KDM4C: variants seen among roughly 807,000 people sequenced by gnomAD.
KDM4C encodes the protein lysine demethylase 4C.
KDM4C carries 81 observed loss-of-function variants against 129.3 expected under a neutral mutation model. That is an observed-to-expected ratio of 0.63 (90% CI 0.52 to 0.75). The LOEUF (loss-of-function observed/expected upper bound fraction) is 0.75, where lower values mean the gene tolerates loss of function less well. KDM4C is among the 30% of genes least tolerant of loss of function. The probability of loss-of-function intolerance (pLI) is 0.00; values close to 1 mark genes in which losing one functional copy is unlikely to be tolerated. For missense variants in KDM4C, 1,457 were observed against 1,304.0 expected, an observed-to-expected ratio of 1.12 and a Z score of -1.81; for synonymous variants, 573 against 456.1, an observed-to-expected ratio of 1.26 and a Z score of -3.26.
At chr9:6,943,347 A>G (rs1047908329) in intron 8 of KDM4C, among the ~76,000 whole-genome samples, 4 of 152,208 alleles carry the variant, frequency 2.6e-5, no homozygotes, top group East Asian at 1.9e-4. Context: ...TTTTGAAGTC[A>G]TTATCATTTG....
chr9:6,853,337 A>G (rs1839192846), intron 5 of KDM4C, among the ~76,000 whole-genome samples: 1 of 151,744 alleles, frequency 6.6e-6, no homozygotes, highest in Non-Finnish European at 1.5e-5. Flanking sequence ...AAAAAAAATA[A>G]GAAAATTAGC....
chr9:6,883,422 T>C (rs1563754917), intron 6 of KDM4C, among the ~76,000 whole-genome samples: 1 of 152,202 alleles, frequency 6.6e-6, no homozygotes, highest in Non-Finnish European at 1.5e-5. Flanking sequence ...CGTCAGGGTA[T>C]GTTTATTTTC....
chr9:7,127,586 C>A (rs893434340), intron 18 of KDM4C, among the ~76,000 whole-genome samples: 5 of 152,084 alleles, frequency 3.3e-5, no homozygotes, highest in African/African-American at 1.2e-4. Context: ...AGAGGTGTGG[C>A]AACTAAATGC....
intron 17 of KDM4C, among the ~76,000 whole-genome samples, chr9:7,084,882 C>T (rs557345601): frequency 6.6e-6 from 1 of 152,144 alleles, no homozygotes; most frequent in African/African-American, 2.4e-5. Context: ...CCTCATAGAT[C>T]TATGAAGAGA....
chr9:6,786,792 A>G (rs1292490568), intron 1 of KDM4C, among the ~76,000 whole-genome samples: 1 of 152,206 alleles, frequency 6.6e-6, no homozygotes, highest in Non-Finnish European at 1.5e-5. Context: ...TTTAAATGTA[A>G]TGAATGTAAG....
At chr9:6,844,361 C>T (rs146076074) in intron 4 of KDM4C, among the ~76,000 whole-genome samples, 8 of 152,304 alleles carry the variant, frequency 5.3e-5, no homozygotes, top group African/African-American at 1.9e-4. Context: ...CACCCCTTCA[C>T]ACACCCCGGG....
rs1815479 is a variant in KDM4C, at chr9:6,781,947, C to T, written c.-17-11025C>T. Among the ~76,000 whole-genome samples, 968 of 152,074 alleles carry T rather than the reference C, an allele frequency of 6.4e-3. 11 individuals carry two copies. Among genetic ancestry groups the T allele is most frequent in the African/African-American group, 0.022 (908 of 41,476 alleles). On this transcript the variant is annotated intron_variant, in intron 1 of 21. Coordinates refer to ENST00000381309, the MANE Select transcript of KDM4C (RefSeq NM_015061.6). ...TCAGGCTATTCTCCTGCCTCAGCCT[C>T]CTCAGTAGCTGGGATTACGGGTGCC...
chr9:7,068,863 G>C (rs892111316), intron 17 of KDM4C, among the ~76,000 whole-genome samples: 1 of 151,408 alleles, frequency 6.6e-6, no homozygotes, highest in African/African-American at 2.4e-5. Context: ...CGCCCAGCTA[G>C]TTTTTGTATT....
Position 7,165,314 on chromosome 9 carries a change from A to T in KDM4C, c.2858A>T (p.Tyr953Phe), listed in dbSNP as rs367739028. The change falls in exon 20 of 22, where the codon TAT becomes TTT. Residue 953 changes from tyrosine (Y) to phenylalanine (F), a missense_variant. Coordinates refer to ENST00000381309, the MANE Select transcript of KDM4C (RefSeq NM_015061.6). Reference sequence around the variant, plus strand: ...GTCAAGTGGCCCGATGGCAAACTCTATGGAGCAAAATATTTTGGATCAAAT... The same window carrying T: ...GTCAAGTGGCCCGATGGCAAACTCTTTGGAGCAAAATATTTTGGATCAAAT... ...VQVKWPDGKL[Y>F]GAKYFGSNIA... The T allele has an allele frequency of 6.2e-7, 1 of 1,614,182 alleles. No individual in the cohort carries two copies. Among genetic ancestry groups the T allele is most frequent in the Non-Finnish European group, 8.5e-7 (1 of 1,180,012 alleles).
intron 5 of KDM4C, among the ~76,000 whole-genome samples, chr9:6,860,587 C>G (rs1335138747): frequency 1.3e-5 from 2 of 152,078 alleles, no homozygotes; most frequent in Admixed American, 1.3e-4. Flanking sequence ...TATAACAAAC[C>G]TTCACATATG....
chr9:6,812,517 G>C (rs1831345301), intron 3 of KDM4C, among the ~76,000 whole-genome samples: 1 of 152,154 alleles, frequency 6.6e-6, no homozygotes, highest in Admixed American at 6.5e-5. Context: ...CAGATCATCA[G>C]ACATTAGGTT....
intron 19 of KDM4C, among the ~76,000 whole-genome samples, chr9:7,129,620 G>A (rs1407775958): frequency 2.0e-5 from 3 of 152,118 alleles, no homozygotes; most frequent in Admixed American, 2.0e-4. Flanking sequence ...AGAGAAAGAA[G>A]ATGTAATCCT....
chr9:7,030,897 T>C (rs933823187), intron 15 of KDM4C, among the ~76,000 whole-genome samples: 8 of 152,180 alleles, frequency 5.3e-5, no homozygotes, highest in Non-Finnish European at 1.0e-4. Flanking sequence ...GTTGGAATTC[T>C]CATTCCATAT....
intron 5 of KDM4C, 62 bp from the exon 6 acceptor site, chr9:6,879,950 T>C (rs1844183210): frequency 5.3e-6 from 4 of 748,536 alleles, no homozygotes; most frequent in Non-Finnish European, 8.9e-6. Context: ...GGAATAGATG[T>C]CCTTAGGCTA....
chr9:6,770,072 G>A (rs145827249), intron 1 of KDM4C, among the ~76,000 whole-genome samples: 337 of 152,222 alleles, frequency 2.2e-3, no homozygotes, highest in Admixed American at 3.7e-3. Flanking sequence ...CCAGGTACTT[G>A]GGAGGCTGAG....
intron 17 of KDM4C, among the ~76,000 whole-genome samples, chr9:7,080,627 T>C (rs975079058): frequency 5.9e-5 from 9 of 152,236 alleles, no homozygotes; most frequent in African/African-American, 2.2e-4. Flanking sequence ...CCTTTGTCTA[T>C]TGGGTTTTAT....
intron 17 of KDM4C, among the ~76,000 whole-genome samples, chr9:7,085,457 A>G (rs1189063329): frequency 6.6e-6 from 1 of 152,182 alleles, no homozygotes; most frequent in Admixed American, 6.5e-5. Context: ...AGGGAGAAAA[A>G]CAGGCTTTTT....
At chr9:6,960,978 T>C (rs1342434115) in intron 8 of KDM4C, among the ~76,000 whole-genome samples, 1 of 152,158 alleles carries the variant, frequency 6.6e-6, no homozygotes, top group Non-Finnish European at 1.5e-5. Context: ...AGACTACTTA[T>C]GAGCGACATG....
intron 8 of KDM4C, among the ~76,000 whole-genome samples, chr9:6,903,695 A>G (rs1169458831): frequency 6.6e-6 from 1 of 152,248 alleles, no homozygotes; most frequent in Non-Finnish European, 1.5e-5. Flanking sequence ...AAAATTTTAC[A>G]GAAAAGCATT....
Sources: gnomAD v4.1 joint callset for allele counts (sites outside exome capture counted in the v4.1 genomes callset) on GRCh38, gnomAD v4.1.1 for gene constraint, MANE v1.5 for transcripts, NCBI Gene and HGNC (gene_info 2026-07-23, HGNC 2026-07-21) for gene names.